The following DPH6 variants were observed in gnomAD, a reference collection of about 807,000 sequenced individuals.
DPH6 encodes the protein diphthamine biosynthesis 6.
A neutral mutation model predicts 38.2 loss-of-function variants in DPH6; 33 were observed. The observed-to-expected ratio is 0.86, with a 90% CI of 0.65 to 1.15. DPH6 has a LOEUF of 1.15. DPH6 is among the 50% of genes most tolerant of loss of function. DPH6 has a pLI of 0.00. For synonymous variants in DPH6, 108 were observed against 103.0 expected (o/e 1.05, Z -0.30); for missense variants, 325 against 320.0 (o/e 1.02, Z -0.12).
chr15:35,294,901 C>T (rs1307053547), intron 3 of DPH6, among the ~76,000 whole-genome samples: 2 of 152,200 alleles, frequency 1.3e-5, no homozygotes, highest in African/African-American at 4.8e-5. Flanking sequence ...TAGTCGGGAA[C>T]AGGATGAGAT....
At chr15:35,537,589 C>T (rs566088180) in intron 3 of DPH6, among the ~76,000 whole-genome samples, 1 of 152,152 alleles carries the variant, frequency 6.6e-6, no homozygotes, top group East Asian at 1.9e-4. Flanking sequence ...AGAAATTAAT[C>T]AGTGCAAAAT....
intron 3 of DPH6, among the ~76,000 whole-genome samples, chr15:35,498,534 C>T (rs1485443309): frequency 6.6e-6 from 1 of 152,078 alleles, no homozygotes; most frequent in Non-Finnish European, 1.5e-5. Flanking sequence ...TCACCCCATC[C>T]CACACACCTC....
chr15:35,216,854 G>A (rs1173054533), downstream of DPH6, among the ~76,000 whole-genome samples: 1 of 152,076 alleles, frequency 6.6e-6, no homozygotes, highest in Non-Finnish European at 1.5e-5. Flanking sequence ...TGACATAGAG[G>A]GCCCTTATAT....
the DPH6 span, among the ~76,000 whole-genome samples, chr15:35,159,730 G>A: frequency 2.0e-5 from 3 of 151,928 alleles, no homozygotes; most frequent in Admixed American, 1.3e-4. Flanking sequence ...AAAATAAATC[G>A]TCACCAAAAA....
At chr15:35,263,471 T>C (rs923464116) in intron 3 of DPH6, among the ~76,000 whole-genome samples, 6 of 147,518 alleles carry the variant, frequency 4.1e-5, no homozygotes, top group African/African-American at 1.3e-4. Context: ...AGTGGCATGA[T>C]CATAGCTCAC....
In DPH6 at chr15:35,506,260, A is replaced by T. The variant is rs187272881; in HGVS notation, c.312+32014T>A. Among the ~76,000 whole-genome samples, 577 of 152,116 alleles carry T rather than the reference A, an allele frequency of 3.8e-3. 2 individuals carry two copies. Among genetic ancestry groups the T allele is most frequent in the African/African-American group, 9.0e-3 (373 of 41,546 alleles). ...AGCAAATCTCTAGGAATGTTTTTTT[A>T]AAAAAAACTCTGGAGCTTGAAAAAG... On this transcript the variant is annotated intron_variant, in intron 3 of 8. Coordinates refer to ENST00000256538, the MANE Select transcript of DPH6 (RefSeq NM_080650.4).
intron 3 of DPH6, among the ~76,000 whole-genome samples, chr15:35,496,567 A>AAAAAATATATAT: frequency 1.3e-4 from 4 of 31,008 alleles, no homozygotes; most frequent in Non-Finnish European, 2.1e-4. Context: ...AAAAAAAAAA[A>AAAAAATATATAT]ATATATATAT....
chr15:35,528,714 C>A (rs1247964618), intron 3 of DPH6, among the ~76,000 whole-genome samples: 1 of 152,138 alleles, frequency 6.6e-6, no homozygotes, highest in Non-Finnish European at 1.5e-5. Flanking sequence ...AATGTAATAG[C>A]CTAGCATACG....
chr15:35,214,766 C>T (rs1360781367), downstream of DPH6, among the ~76,000 whole-genome samples: 1 of 152,152 alleles, frequency 6.6e-6, no homozygotes, highest in Non-Finnish European at 1.5e-5. Context: ...ACCACCACAT[C>T]CGGCTAATTT....
At chr15:35,479,381 GA>G (rs1177013579) in intron 3 of DPH6, among the ~76,000 whole-genome samples, 2 of 152,060 alleles carry the variant, frequency 1.3e-5, no homozygotes, top group East Asian at 3.8e-4. Flanking sequence ...TAGACCCTCT[GA>G]AATAACTATT....
At chr15:35,498,622 A>G (rs2054586865) in intron 3 of DPH6, among the ~76,000 whole-genome samples, 1 of 152,156 alleles carries the variant, frequency 6.6e-6, no homozygotes, top group African/African-American at 2.4e-5. Context: ...ATGGGAATAG[A>G]CATATAATCC....
chr15:35,314,765 T>A (rs191190309), intron 3 of DPH6, among the ~76,000 whole-genome samples: 2 of 151,890 alleles, frequency 1.3e-5, no homozygotes, highest in African/African-American at 4.8e-5. Context: ...TTAGCAAAAA[T>A]AAAAAAAATC....
At chr15:35,500,161 A>ATGG (rs2054607849) in intron 3 of DPH6, among the ~76,000 whole-genome samples, 1 of 152,204 alleles carries the variant, frequency 6.6e-6, no homozygotes, top group African/African-American at 2.4e-5. Flanking sequence ...TCCATGCTAC[A>ATGG]ATATAATCAG....
downstream of DPH6, among the ~76,000 whole-genome samples, chr15:35,328,480 T>C (rs1170906590): frequency 1.3e-5 from 2 of 152,164 alleles, no homozygotes; most frequent in Admixed American, 1.3e-4. Context: ...GCAACTAGCA[T>C]AGTACTTGAC....
intron 3 of DPH6, chr15:35,237,393 T>C (rs2051560968): frequency 1.2e-6 from 2 of 1,604,284 alleles, no homozygotes; most frequent in Admixed American, 1.7e-5. Context: ...AAAGAACTTG[T>C]CCTGGACAAC....
At chr15:35,238,385 C>T (rs2051572775) in intron 3 of DPH6, among the ~76,000 whole-genome samples, 1 of 152,106 alleles carries the variant, frequency 6.6e-6, no homozygotes, top group Admixed American at 6.5e-5. Context: ...TTCCTCACTA[C>T]TGGGCAATGT....
At chr15:35,180,585 C>T in the DPH6 span, among the ~76,000 whole-genome samples, 4 of 152,154 alleles carry the variant, frequency 2.6e-5, no homozygotes, top group Non-Finnish European at 2.9e-5. Context: ...GTCAGCCTCC[C>T]AAGTGGCTGG....
At chr15:35,440,854 T>C (rs1423403379) in intron 5 of DPH6, among the ~76,000 whole-genome samples, 1 of 152,120 alleles carries the variant, frequency 6.6e-6, no homozygotes, top group Non-Finnish European at 1.5e-5. Context: ...GAAACTATCA[T>C]GAGAGTGAAC....
intron 3 of DPH6, chr15:35,282,745 T>C (rs2051907619): frequency 2.8e-6 from 1 of 351,602 alleles, no homozygotes. Flanking sequence ...AGGGGAAAGC[T>C]GCCATTGTGG....
Sources: allele counts gnomAD v4.1 joint callset (sites outside exome capture counted in the v4.1 genomes callset), GRCh38; gene constraint gnomAD v4.1.1; transcripts MANE v1.5; gene names NCBI Gene and HGNC (gene_info 2026-07-23, HGNC 2026-07-21).